MYO1D: variants seen among roughly 807,000 people sequenced by gnomAD.
The protein encoded by MYO1D is myosin ID.
Under a neutral mutation model 122.0 loss-of-function variants are expected in MYO1D, and 83 were observed. The ratio of observed to expected loss-of-function variants is 0.68; its 90% CI spans 0.57 to 0.82. The LOEUF (loss-of-function observed/expected upper bound fraction) is 0.82, where lower values mean the gene tolerates loss of function less well. MYO1D is among the 40% of genes least tolerant of loss of function. The pLI is 0.00. For synonymous variants in MYO1D, 464 were observed against 446.9 expected, an observed-to-expected ratio of 1.04 and a Z score of -0.48; for missense variants, 1,157 against 1,269.5, an observed-to-expected ratio of 0.91 and a Z score of 1.35.
chr17:32,712,144 G>A lies in MYO1D; in HGVS notation c.1965C>T (p.Asp655=). ...CAATTAGTTTCTTGACAGCCTCTTT[G>A]TCTGAAGGAAGGTCATGGTTGGGCC... ...FTWPNHDLPS[D]KEAVKKLIER... The change falls in exon 16 of 22, where the codon GAC becomes GAT. Residue 655 remains aspartate, a synonymous_variant. Transcript: ENST00000318217. The A allele has an allele frequency of 6.2e-7, 1 of 1,614,006 alleles. No individual in the cohort carries two copies. The highest frequency in any genetic ancestry group is 8.5e-7 in the Non-Finnish European group (1 of 1,179,998).
intron 1 of MYO1D, among the ~76,000 whole-genome samples, chr17:32,848,084 CTATGAA>C (rs1262336532): frequency 6.6e-6 from 1 of 152,100 alleles, no homozygotes; most frequent in African/African-American, 2.4e-5. Flanking sequence ...GCAGTGTGTA[CTATGAA>C]AAATGGGCCT....
chr17:32,799,699 A>T (rs1362425607), intron 1 of MYO1D, among the ~76,000 whole-genome samples: 1 of 151,964 alleles, frequency 6.6e-6, no homozygotes, highest in East Asian at 1.9e-4. Context: ...GACAAATGGG[A>T]TTGCATCAAA....
At chr17:32,709,125 G>A (rs1163620875) in intron 16 of MYO1D, among the ~76,000 whole-genome samples, 1 of 152,214 alleles carries the variant, frequency 6.6e-6, no homozygotes, top group African/African-American at 2.4e-5. Context: ...GATTTAAAAA[G>A]AGGAATCTAC....
chr17:32,512,842 C>T (rs775299512), intron 21 of MYO1D: 2 of 152,266 alleles, frequency 1.3e-5, no homozygotes, highest in Non-Finnish European at 2.9e-5. Context: ...CTCCAAGACC[C>T]TACAGACAAG....
At position 32,581,829 on chromosome 17, in the gene MYO1D, G is replaced by A. The variant is rs981967644; in HGVS notation, c.2864+23258C>T. On this transcript the variant is annotated intron_variant, in intron 21 of 21. Transcript: ENST00000318217. Reference sequence around the variant, plus strand: ...CACCCAGGCTGGAGTGTAGTAGAGCGATCTCGGCTCACCGCAACCTCTGCT... The same window carrying A: ...CACCCAGGCTGGAGTGTAGTAGAGCAATCTCGGCTCACCGCAACCTCTGCT... 3.3e-5 allele frequency among the ~76,000 whole-genome samples: 5 copies of A among 151,942 alleles called. 1 individual carries two copies. The highest frequency in any genetic ancestry group is 3.9e-4 in the East Asian group (2 of 5,178).
At chr17:32,573,307 G>A (rs184619949) in intron 21 of MYO1D, among the ~76,000 whole-genome samples, 209 of 152,046 alleles carry the variant, frequency 1.4e-3, no homozygotes, top group Non-Finnish European at 2.1e-3. Context: ...TTGAATCCCC[G>A]CATTTCACAG....
At chr17:32,788,719 T>C (rs933523512) in intron 1 of MYO1D, among the ~76,000 whole-genome samples, 4 of 152,204 alleles carry the variant, frequency 2.6e-5, no homozygotes, top group African/African-American at 9.7e-5. Flanking sequence ...TGCTTAGTCT[T>C]GCTTTGGGGG....
At chr17:32,574,636 G>C (rs1218044466) in intron 21 of MYO1D, among the ~76,000 whole-genome samples, 1 of 152,156 alleles carries the variant, frequency 6.6e-6, no homozygotes, top group Non-Finnish European at 1.5e-5. Flanking sequence ...GCTTATTGCT[G>C]TATCTTTGGC....
intron 21 of MYO1D, among the ~76,000 whole-genome samples, chr17:32,590,288 A>G (rs529960649): frequency 6.6e-6 from 1 of 152,164 alleles, no homozygotes; most frequent in African/African-American, 2.4e-5. Flanking sequence ...TTCTATGGGG[A>G]GCATCTCACC....
intron 19 of MYO1D, among the ~76,000 whole-genome samples, chr17:32,643,864 C>A (rs1375684175): frequency 2.0e-4 from 31 of 151,984 alleles, no homozygotes; most frequent in African/African-American, 5.6e-4. Flanking sequence ...ATCTTTTCAA[C>A]AAACCAGCTC....
At chr17:32,507,919 C>T (rs1024104091) in intron 21 of MYO1D, among the ~76,000 whole-genome samples, 7 of 121,844 alleles carry the variant, frequency 5.7e-5, no homozygotes, top group East Asian at 5.0e-4. Context: ...TTTTTTGAGA[C>T]GGAGTCTCGC....
chr17:32,763,536 TATG>T (rs1336035710), intron 8 of MYO1D, among the ~76,000 whole-genome samples: 19 of 152,118 alleles, frequency 1.2e-4, no homozygotes, highest in African/African-American at 4.3e-4. Flanking sequence ...TCTACAAAAA[TATG>T]ATAAGATGCT....
chr17:32,603,995 GATAGAAAATATTTA>G (rs1385490864), intron 21 of MYO1D, among the ~76,000 whole-genome samples: 2 of 152,040 alleles, frequency 1.3e-5, no homozygotes, highest in Non-Finnish European at 2.9e-5. Context: ...AGCATTTAAT[GATAGAAAATATTTA>G]AAGATCTACT....
chr17:32,714,229 C>A (rs1283096185), intron 15 of MYO1D, among the ~76,000 whole-genome samples: 2 of 151,706 alleles, frequency 1.3e-5, no homozygotes, highest in Non-Finnish European at 2.9e-5. Flanking sequence ...CTCCCACCCC[C>A]ACCCCAACAG....
intron 1 of MYO1D, among the ~76,000 whole-genome samples, chr17:32,812,058 T>G (rs763234122): frequency 6.6e-6 from 1 of 152,240 alleles, no homozygotes; most frequent in Middle Eastern, 3.4e-3. Context: ...TTTATTTGGG[T>G]TTTTCTATTA....
At chr17:32,782,285 G>C (rs752431635) in intron 1 of MYO1D, among the ~76,000 whole-genome samples, 2 of 152,068 alleles carry the variant, frequency 1.3e-5, no homozygotes, top group African/African-American at 2.4e-5. Flanking sequence ...TTCTACTATG[G>C]GTTTTCTATG....
intron 1 of MYO1D, among the ~76,000 whole-genome samples, chr17:32,782,282 A>G (rs62070166): frequency 1.4e-3 from 212 of 152,294 alleles, no homozygotes; most frequent in Non-Finnish European, 2.3e-3. Flanking sequence ...TTTTTCTACT[A>G]TGGGTTTTCT....
chr17:32,500,029 C>A (rs1909263107), intron 21 of MYO1D, among the ~76,000 whole-genome samples: 1 of 152,202 alleles, frequency 6.6e-6, no homozygotes, highest in Non-Finnish European at 1.5e-5. Flanking sequence ...AGCATTCACA[C>A]CACATGTACT....
intron 19 of MYO1D, among the ~76,000 whole-genome samples, chr17:32,640,287 G>A (rs1477869526): frequency 6.6e-6 from 1 of 152,156 alleles, no homozygotes; most frequent in Non-Finnish European, 1.5e-5. Context: ...TTGAAACACA[G>A]TGAGTGAAGA....
Sources: allele counts gnomAD v4.1 joint callset (sites outside exome capture counted in the v4.1 genomes callset), GRCh38; gene constraint gnomAD v4.1.1; transcripts MANE v1.5; gene names NCBI Gene and HGNC (gene_info 2026-07-23, HGNC 2026-07-21).